FUT8: variants seen among roughly 807,000 people sequenced by gnomAD.
FUT8 encodes fucosyltransferase 8, also known as alpha-(1,6)-fucosyltransferase.
A neutral mutation model predicts 71.3 loss-of-function variants in FUT8; 29 were observed. That is an observed-to-expected ratio of 0.41 (90% CI 0.30 to 0.55). The LOEUF (loss-of-function observed/expected upper bound fraction) is 0.55. Ranked by LOEUF, FUT8 falls within the 20% of genes least tolerant of loss-of-function variation. The pLI, the probability that FUT8 is intolerant of heterozygous loss-of-function variation, is 0.34. For synonymous variants in FUT8, 254 were observed against 239.3 expected (o/e 1.06, Z -0.57); for missense variants, 544 against 702.1 (o/e 0.77, Z 2.55).
At chr14:65,611,283 ACACACACACACACACACACCC>A (rs1888970113) in intron 3 of FUT8, among the ~76,000 whole-genome samples, 2 of 44,604 alleles carry the variant, frequency 4.5e-5, no homozygotes, top group Non-Finnish European at 8.1e-5. Flanking sequence ...ACACACACAC[ACACACACACACACACACACCC>A]CCCAAGTAAT....
At chr14:65,725,784 A>G (rs1350796895) in intron 9 of FUT8, among the ~76,000 whole-genome samples, 2 of 152,224 alleles carry the variant, frequency 1.3e-5, no homozygotes, top group Admixed American at 6.5e-5. Context: ...CTTTTTGGCT[A>G]TTTAATTAAT....
Position 65,660,353 on chromosome 14 carries a change from A to G in FUT8, c.598-8890A>G, listed in dbSNP as rs1303622107. On this transcript the variant is annotated intron_variant, in intron 6 of 10. Coordinates refer to ENST00000673929, the MANE Select transcript of FUT8 (RefSeq NM_001371533.1). This position sits in a 1 kb window ranked among gnomAD's most constrained non-coding sequence, Gnocchi z 4.1. ...TAAAAATGACTTTAAAGCATTTAAT[A>G]GAGACTTTCAGGTAAAGAGCAAAAG... Among the ~76,000 whole-genome samples, 1 of 152,214 alleles carries G rather than the reference A, an allele frequency of 6.6e-6. No homozygotes were observed. The highest frequency in any genetic ancestry group is 2.4e-5 in the African/African-American group (1 of 41,466).
chr14:65,640,169 A>G (rs1387871908), intron 6 of FUT8, among the ~76,000 whole-genome samples: 1 of 152,076 alleles, frequency 6.6e-6, no homozygotes, highest in Non-Finnish European at 1.5e-5. Context: ...GCAAATGATG[A>G]TAGAATAACT....
At chr14:65,571,417 C>T (rs986677968) in intron 3 of FUT8, among the ~76,000 whole-genome samples, 1 of 152,114 alleles carries the variant, frequency 6.6e-6, no homozygotes, top group Non-Finnish European at 1.5e-5. Flanking sequence ...CCATGCACTT[C>T]AGATGATCCA....
chr14:65,553,894 G>T (rs1885432588), intron 2 of FUT8, among the ~76,000 whole-genome samples: 1 of 147,870 alleles, frequency 6.8e-6, no homozygotes, highest in South Asian at 2.1e-4. Context: ...TTTTAATTTT[G>T]CCCTACTAGC....
At chr14:65,546,424 T>A (rs748180023) in intron 2 of FUT8, among the ~76,000 whole-genome samples, 1 of 151,850 alleles carries the variant, frequency 6.6e-6, no homozygotes, top group Non-Finnish European at 1.5e-5. Flanking sequence ...TCATACAGTG[T>A]GTATTTTTTT....
intron 9 of FUT8, among the ~76,000 whole-genome samples, chr14:65,729,722 C>G (rs1055158885): frequency 2.0e-5 from 3 of 152,082 alleles, no homozygotes; most frequent in African/African-American, 4.8e-5. Context: ...CACAGCATGA[C>G]AGTTTTATAC....
At chr14:65,382,969 C>T in the FUT8 span, among the ~76,000 whole-genome samples, 3 of 152,094 alleles carry the variant, frequency 2.0e-5, no homozygotes, top group Non-Finnish European at 4.4e-5. Context: ...CTCATGCTGC[C>T]AAGCTGGAGA....
chr14:65,547,794 G>T (rs1217509766), intron 2 of FUT8, among the ~76,000 whole-genome samples: 1 of 151,710 alleles, frequency 6.6e-6, no homozygotes, highest in African/African-American at 2.4e-5. Context: ...TATACTCTTT[G>T]CCCATGTTCC....
chr14:65,461,631 A>C (rs1244585440), intron 2 of FUT8, among the ~76,000 whole-genome samples: 1 of 152,230 alleles, frequency 6.6e-6, no homozygotes, highest in Non-Finnish European at 1.5e-5. Flanking sequence ...CTGCTCTGTT[A>C]ATAACTAGCT....
intron 7 of FUT8, among the ~76,000 whole-genome samples, chr14:65,681,809 A>G (rs1001333531): frequency 2.6e-5 from 4 of 152,234 alleles, no homozygotes; most frequent in African/African-American, 9.6e-5. Flanking sequence ...AATATTCACA[A>G]TAACCCTTAT....
At chr14:65,468,099 C>T (rs1176884943) in intron 2 of FUT8, 1 of 632,010 alleles carries the variant, frequency 1.6e-6, no homozygotes, top group East Asian at 3.0e-5. Flanking sequence ...TGCTGAGTAA[C>T]GTGTTTGTTT....
intron 6 of FUT8, among the ~76,000 whole-genome samples, chr14:65,635,352 T>C (rs1428977504): frequency 1.3e-5 from 2 of 152,212 alleles, no homozygotes; most frequent in Non-Finnish European, 2.9e-5. Flanking sequence ...CTGATTGCTC[T>C]GGCTAGGACT....
At chr14:65,394,469 A>T in the FUT8 span, among the ~76,000 whole-genome samples, 13 of 152,312 alleles carry the variant, frequency 8.5e-5, no homozygotes, top group African/African-American at 3.1e-4. Flanking sequence ...TCCAAATCTC[A>T]TGTCCTCCTA....
At chr14:65,410,401 A>T (rs2065109880), upstream of FUT8, among the ~76,000 whole-genome samples, 1 of 152,184 alleles carries the variant, frequency 6.6e-6, no homozygotes, top group African/African-American at 2.4e-5. Context: ...TTTTGATAAT[A>T]ATGTTCCATC....
At position 65,455,676 on chromosome 14, in the gene FUT8, T is replaced by C; in HGVS notation, c.-270T>C. 1 of 398,392 alleles carries C rather than the reference T, an allele frequency of 2.5e-6. No individual in the cohort carries two copies. Among genetic ancestry groups the C allele is most frequent in the East Asian group, 3.6e-5 (1 of 28,004 alleles). The allele number at this position is 398,392 out of a possible 1,614,324, so 24.7% of individuals were successfully genotyped here. A position where few individuals can be genotyped will look rare whatever the true frequency, so the allele number is the denominator to read the frequency against. On this transcript the variant is annotated 5_prime_UTR_variant, in exon 2 of 11. Transcript: ENST00000673929. ...ACCCTAATGGTCTTTTTGTTCAAGA[T>C]AAAGTGATTTTTTGCCTTTGTTGAT...
At chr14:65,606,673 C>T (rs1888607353) in intron 3 of FUT8, among the ~76,000 whole-genome samples, 1 of 151,778 alleles carries the variant, frequency 6.6e-6, no homozygotes, top group Admixed American at 6.6e-5. Context: ...GGCTTTGTGC[C>T]AATACTACAC....
chr14:65,444,261 A>G (rs1052956272), intron 1 of FUT8, among the ~76,000 whole-genome samples: 2 of 152,244 alleles, frequency 1.3e-5, no homozygotes, highest in Non-Finnish European at 1.5e-5. Context: ...TTACTTACCT[A>G]TTAGAAAAGC....
At position 65,659,318 on chromosome 14, in the gene FUT8, G is replaced by A. The variant is rs1298240448; in HGVS notation, c.598-9925G>A. On this transcript the variant is annotated intron_variant, in intron 6 of 10. Coordinates refer to ENST00000673929, the MANE Select transcript of FUT8 (RefSeq NM_001371533.1). ...AATGAGACAAAGACTCCGTCTTCGAGAAGAGGTATCCAGATTTGAAATCTA... is the reference window on the plus strand; with the variant it reads ...AATGAGACAAAGACTCCGTCTTCGAAAAGAGGTATCCAGATTTGAAATCTA... Among the ~76,000 whole-genome samples the A allele has an allele frequency of 2.0e-5, 3 of 152,108 alleles. No individual in the cohort carries two copies. The East Asian group carries it at 5.8e-4, about 29-fold the overall frequency.
Sources: allele counts gnomAD v4.1 joint callset (sites outside exome capture counted in the v4.1 genomes callset), GRCh38; gene constraint gnomAD v4.1.1; non-coding constraint Gnocchi (gnomAD v3.1); transcripts MANE v1.5; gene names NCBI Gene and HGNC (gene_info 2026-07-23, HGNC 2026-07-21).